Variants in ARHGAP5 observed in about 807,000 individuals in gnomAD.
ARHGAP5 encodes the protein rho GTPase-activating protein 5.
A neutral mutation model predicts 116.6 loss-of-function variants in ARHGAP5; 23 were observed. The observed-to-expected ratio is 0.20, with a 90% CI of 0.14 to 0.28. The LOEUF is 0.28. Ranked by LOEUF, ARHGAP5 falls within the 10% of genes least tolerant of loss-of-function variation. The pLI is 1.00. For missense variants in ARHGAP5, 1,405 were observed against 1,774.8 expected (o/e 0.79, Z 3.74); for synonymous variants, 574 against 602.0 (o/e 0.95, Z 0.68).
At chr14:32,105,443 C>G (rs1045298395) in intron 2 of ARHGAP5, among the ~76,000 whole-genome samples, 16 of 151,100 alleles carry the variant, frequency 1.1e-4, no homozygotes, top group South Asian at 4.2e-4. Flanking sequence ...AATAAAGATT[C>G]TATTTTGAGC....
intron 2 of ARHGAP5, among the ~76,000 whole-genome samples, chr14:32,100,381 A>G (rs1313652091): frequency 1.3e-5 from 2 of 152,084 alleles, no homozygotes; most frequent in Non-Finnish European, 2.9e-5. Flanking sequence ...TTGTTGTCAT[A>G]GAGATGGGGG....
intron 1 of ARHGAP5, among the ~76,000 whole-genome samples, chr14:32,078,912 C>T (rs555876832): frequency 6.6e-6 from 1 of 152,206 alleles, no homozygotes; most frequent in South Asian, 2.1e-4. Context: ...TATTACTAAC[C>T]GTCTAGGTAA....
chr14:32,132,047 A>G (rs1051754505), intron 3 of ARHGAP5, among the ~76,000 whole-genome samples: 5 of 152,310 alleles, frequency 3.3e-5, no homozygotes, highest in East Asian at 3.9e-4. Flanking sequence ...ATAAACATAC[A>G]GGTGCATGTG....
intron 1 of ARHGAP5, among the ~76,000 whole-genome samples, chr14:32,084,844 C>CA (rs929753334): frequency 1.3e-5 from 2 of 152,092 alleles, no homozygotes; most frequent in Admixed American, 1.3e-4. Context: ...AGACTCTCTA[C>CA]AAAAAAATTT....
intron 3 of ARHGAP5, among the ~76,000 whole-genome samples, chr14:32,126,222 GT>G (rs35105871): frequency 1.3e-5 from 2 of 151,608 alleles, no homozygotes; most frequent in Admixed American, 6.6e-5. Context: ...TCAGCTGTGG[GT>G]TTTTTTTGTT....
chr14:32,092,791 A>C lies in ARHGAP5; in HGVS notation c.2122A>C (p.Ser708Arg). Residue 708 changes from serine (S) to arginine (R), a missense_variant, in exon 2 of 7, where the codon AGT becomes CGT. By Grantham distance (110) the Ser-to-Arg change is moderately radical (BLOSUM62 -1). This residue lies in a region of ARHGAP5 where 944 missense variants were observed against 1,095.3 expected (regional missense o/e 0.86). Transcript: ENST00000345122. The surrounding 1 kb of genome is among the most constrained non-coding windows in gnomAD (Gnocchi z 4.1). ...TCTGGCTAATCAGAGAGATTCCATT[A>C]GTAAGAATCTACCAATTCTCAGGCA... ...LILANQRDSI[S>R]KNLPILRHQG... 1 of 1,614,034 alleles carries C rather than the reference A, an allele frequency of 6.2e-7. No individual in the cohort carries two copies. Among genetic ancestry groups the C allele is most frequent in the Non-Finnish European group, 8.5e-7 (1 of 1,179,900 alleles).
At chr14:32,106,650 G>A (rs1879035367) in intron 2 of ARHGAP5, among the ~76,000 whole-genome samples, 3 of 152,170 alleles carry the variant, frequency 2.0e-5, no homozygotes, top group African/African-American at 4.8e-5. Context: ...TTCCAAATAC[G>A]TGAGTTAGGC....
At chr14:32,130,388 T>G (rs989516847) in intron 3 of ARHGAP5, among the ~76,000 whole-genome samples, 14 of 126,124 alleles carry the variant, frequency 1.1e-4, no homozygotes, top group African/African-American at 3.0e-4. Flanking sequence ...ATTTTTTGGG[T>G]TTTTTTTTTT....
At position 32,155,058 on chromosome 14, in the gene ARHGAP5, A is replaced by G. The variant is rs551201421; in HGVS notation, c.*110A>G. 10 of 938,048 alleles carry G rather than the reference A, an allele frequency of 1.1e-5. No individual in the cohort carries two copies. Among genetic ancestry groups the G allele is most frequent in the East Asian group, 2.6e-5 (1 of 39,054 alleles). The allele number at this position is 938,048 out of a possible 1,614,324, so 58.1% of individuals were successfully genotyped here. The stretch of plus-strand genomic sequence containing the variant: ...GTTTCATACAGATAATTCACATTCA[A>G]AATTACATTTTCTCTTTGAACTAGA... On this transcript the variant is annotated 3_prime_UTR_variant, in exon 7 of 7. Coordinates refer to ENST00000345122, the MANE Select transcript of ARHGAP5 (RefSeq NM_001030055.2).
At position 32,157,618 on chromosome 14, in the gene ARHGAP5, C is replaced by T. The variant is rs1257312181; in HGVS notation, c.*2670C>T. ...TAGAAGTCAAATTCTATTCAACAGA[C>T]ACTTATTAGGATATACAACTAATTT... On this transcript the variant is annotated 3_prime_UTR_variant, in exon 7 of 7. Transcript: ENST00000345122. 6.6e-6 allele frequency: 1 copy of T among 152,118 alleles called. No individual in the cohort carries two copies. The highest frequency in any genetic ancestry group is 1.9e-4 in the East Asian group (1 of 5,202). 9.4% of individuals were successfully genotyped at this position (152,118 alleles called of 1,614,324 possible).
At chr14:32,089,587 A>G (rs974343925) in intron 1 of ARHGAP5, among the ~76,000 whole-genome samples, 6 of 151,994 alleles carry the variant, frequency 3.9e-5, no homozygotes, top group Admixed American at 3.3e-4. Context: ...TGTTGCTAGT[A>G]TATCAAATAA....
intron 2 of ARHGAP5, among the ~76,000 whole-genome samples, chr14:32,105,561 A>G (rs1878977486): frequency 6.6e-6 from 1 of 152,116 alleles, no homozygotes; most frequent in South Asian, 2.1e-4. Flanking sequence ...ACTATAGTAC[A>G]ATATCACAGC....
intron 3 of ARHGAP5, among the ~76,000 whole-genome samples, chr14:32,123,032 C>T (rs1252000427): frequency 6.6e-6 from 1 of 152,000 alleles, no homozygotes; most frequent in Non-Finnish European, 1.5e-5. Flanking sequence ...ATATCTCATA[C>T]CTAGTGAGAT....
chr14:32,129,268 C>G (rs1880352528), intron 3 of ARHGAP5, among the ~76,000 whole-genome samples: 1 of 152,006 alleles, frequency 6.6e-6, no homozygotes, highest in South Asian at 2.1e-4. Flanking sequence ...CCTTTCTGTT[C>G]CCATTTTTTT....
chr14:32,111,560 AC>A (rs1038824682), intron 2 of ARHGAP5, among the ~76,000 whole-genome samples: 1 of 152,178 alleles, frequency 6.6e-6, no homozygotes, highest in Non-Finnish European at 1.5e-5. Context: ...GGAATTGGCG[AC>A]ATCTTCTATA....
intron 4 of ARHGAP5, among the ~76,000 whole-genome samples, chr14:32,149,046 A>G (rs1223893260): frequency 6.6e-6 from 1 of 152,168 alleles, no homozygotes; most frequent in Non-Finnish European, 1.5e-5. Flanking sequence ...TTTGGATTTC[A>G]GATTTTTTTC....
intron 2 of ARHGAP5, among the ~76,000 whole-genome samples, chr14:32,112,669 G>A (rs958819496): frequency 6.6e-6 from 1 of 152,104 alleles, no homozygotes; most frequent in Non-Finnish European, 1.5e-5. Flanking sequence ...TCAGGAGATC[G>A]AGACCATCCT....
chr14:32,114,410 C>T (rs1166044502), intron 2 of ARHGAP5, among the ~76,000 whole-genome samples: 2 of 152,190 alleles, frequency 1.3e-5, no homozygotes, highest in East Asian at 3.9e-4. Context: ...ACCCCTGCCT[C>T]AACTTTGAGG....
At chr14:32,095,474 G>A (rs978699718) in intron 2 of ARHGAP5, among the ~76,000 whole-genome samples, 4 of 149,126 alleles carry the variant, frequency 2.7e-5, no homozygotes, top group Admixed American at 1.3e-4. Flanking sequence ...GGGTAGTGGC[G>A]CAATCTTGGC....
Sources: allele counts gnomAD v4.1 joint callset (sites outside exome capture counted in the v4.1 genomes callset), GRCh38; gene constraint gnomAD v4.1.1; regional missense constraint gnomAD v4.1.1; non-coding constraint Gnocchi (gnomAD v3.1); transcripts MANE v1.5; gene names NCBI Gene and HGNC (gene_info 2026-07-23, HGNC 2026-07-21).